MAD1L1: variants seen among roughly 807,000 people sequenced by gnomAD.
The protein encoded by MAD1L1 is mitotic spindle assembly checkpoint protein MAD1.
A neutral mutation model predicts 96.9 loss-of-function variants in MAD1L1; 95 were observed. That is an observed-to-expected ratio of 0.98 (90% CI 0.83 to 1.16). The LOEUF (loss-of-function observed/expected upper bound fraction) is 1.16. Among genes scored for constraint, MAD1L1 ranks in the 50% most tolerant of loss-of-function variants. The pLI is 0.00. For synonymous variants in MAD1L1, 473 were observed against 396.6 expected (o/e 1.19, Z -2.29); for missense variants, 1,007 against 954.4 (o/e 1.06, Z -0.73).
At chr7:1,950,050 C>G (rs59387532) in intron 16 of MAD1L1, among the ~76,000 whole-genome samples, 2,001 of 152,060 alleles carry the variant, frequency 0.013, 37 homozygotes, top group African/African-American at 0.046. Flanking sequence ...GGGCACATCT[C>G]TACTTGAGGG....
chr7:1,989,686 T>C (rs546440583), intron 14 of MAD1L1, among the ~76,000 whole-genome samples: 42 of 152,028 alleles, frequency 2.8e-4, no homozygotes, highest in Middle Eastern at 3.4e-3. Context: ...TGGACCAGCC[T>C]CAGCGTGGAC....
chr7:2,210,853 G>A (rs989184018), intron 10 of MAD1L1, among the ~76,000 whole-genome samples: 2 of 151,622 alleles, frequency 1.3e-5, no homozygotes, highest in African/African-American at 2.4e-5. Flanking sequence ...TCAGCCTCCG[G>A]CTGCTCAGAG....
intron 18 of MAD1L1, among the ~76,000 whole-genome samples, chr7:1,875,444 T>C (rs1306132587): frequency 2.0e-5 from 3 of 152,152 alleles, no homozygotes; most frequent in Non-Finnish European, 4.4e-5. Flanking sequence ...CCGTGTTGAC[T>C]TGGGGGCGGG....
chr7:1,994,447 A>G (rs2128489905), intron 14 of MAD1L1, among the ~76,000 whole-genome samples: 1 of 152,244 alleles, frequency 6.6e-6, no homozygotes, highest in South Asian at 2.1e-4. Context: ...GAGGGTGGGG[A>G]CATCACCGTA....
In MAD1L1 at chr7:1,832,793, G is replaced by A. The variant is rs138436009; in HGVS notation, c.1999-16565C>T. 6.1e-3 allele frequency among the ~76,000 whole-genome samples: 915 copies of A among 149,638 alleles called. 15 individuals are homozygous for A. The highest frequency in any genetic ancestry group is 0.035 in the Admixed American group (519 of 14,930). On this transcript the variant is annotated intron_variant, in intron 18 of 18. Transcript: ENST00000265854. The stretch of plus-strand genomic sequence containing the variant: ...ATTACAGGTACGTGCCACCATGCCC[G>A]GCTAATTTTTGTGTTTGTAGTAGAG...
chr7:1,932,613 T>C (rs1789546537), intron 17 of MAD1L1, among the ~76,000 whole-genome samples: 1 of 152,228 alleles, frequency 6.6e-6, no homozygotes, highest in African/African-American at 2.4e-5. Flanking sequence ...ACCTCTGTGT[T>C]TCTTCTCTGA....
At chr7:2,020,441 G>A (rs1487431194) in intron 12 of MAD1L1, among the ~76,000 whole-genome samples, 1 of 152,230 alleles carries the variant, frequency 6.6e-6, no homozygotes, top group East Asian at 1.9e-4. Context: ...GCCTTCAGAG[G>A]ACGGAACGCC....
At chr7:1,832,630 T>TTTGG (rs56664541) in intron 18 of MAD1L1, among the ~76,000 whole-genome samples, 174 of 2,350 alleles carry the variant, frequency 0.074, no homozygotes, top group Middle Eastern at 0.25. Flanking sequence ...TTTTTTTTTT[T>TTTGG]GGCGGGGGGG....
rs532263367 is a variant in MAD1L1 at position 1,975,574 on chromosome 7, G to A, written c.1505+4879C>T. On this transcript the variant is annotated intron_variant, in intron 15 of 18. Transcript: ENST00000265854. ...AGTTACCTCTATGTAGTTTCATGAG[G>A]GGACTTAGAGCAGCGGTGTTTAATG... Among the ~76,000 whole-genome samples the A allele has an allele frequency of 2.0e-5, 3 of 152,344 alleles. 1 individual carries two copies. The South Asian group carries it at 6.2e-4, about 32-fold the overall frequency.
At position 2,069,177 on chromosome 7, in the gene MAD1L1, G is replaced by GT. The variant is rs774590108; in HGVS notation, c.1218+16dup. 2.6e-6 allele frequency: 4 copies of GT among 1,567,884 alleles called. No individual in the cohort carries two copies. The highest frequency in any genetic ancestry group is 1.4e-5 in the African/African-American group (1 of 73,398). On this transcript the variant is annotated intron_variant, in intron 12 of 18. Transcript: ENST00000265854. Reference sequence around the variant, plus strand: ...AGCTCCCTGCGACTCTGATCAAGATGTAAGGGCATACATCACCTTGGTGAG... The same window carrying GT: ...AGCTCCCTGCGACTCTGATCAAGATGTTAAGGGCATACATCACCTTGGTGAG...
In MAD1L1 at chr7:2,146,430, A is replaced by G. The variant is rs112499607; in HGVS notation, c.1073+2722T>C. On this transcript the variant is annotated intron_variant, in intron 11 of 18. Transcript: ENST00000265854. The surrounding 1 kb of genome is among the most constrained non-coding windows in gnomAD (Gnocchi z 6.2). ...TGGGCTACGAGGAACAGGGCAGTGGAGCCGCACCCTGAGAAGCTCCTCAGA... is the reference window on the plus strand; with the variant it reads ...TGGGCTACGAGGAACAGGGCAGTGGGGCCGCACCCTGAGAAGCTCCTCAGA... Among the ~76,000 whole-genome samples, 1 of 151,604 alleles carries G rather than the reference A, an allele frequency of 6.6e-6. No individual in the cohort carries two copies. The highest frequency in any genetic ancestry group is 1.5e-5 in the Non-Finnish European group (1 of 68,032).
At chr7:2,127,947 G>A (rs565320858) in intron 11 of MAD1L1, among the ~76,000 whole-genome samples, 1 of 152,258 alleles carries the variant, frequency 6.6e-6, no homozygotes, top group South Asian at 2.1e-4. Context: ...ACTTCTGCTC[G>A]CACCTGAGAG....
intron 11 of MAD1L1, among the ~76,000 whole-genome samples, chr7:2,122,644 C>T (rs1562708254): frequency 2.0e-5 from 3 of 152,078 alleles, no homozygotes; most frequent in Admixed American, 2.0e-4. Flanking sequence ...AATCACAAAC[C>T]AGGGAGTTGA....
intron 16 of MAD1L1, among the ~76,000 whole-genome samples, chr7:1,947,308 C>A (rs1239204686): frequency 6.6e-6 from 1 of 152,338 alleles, no homozygotes; most frequent in African/African-American, 2.4e-5. Context: ...AGGCGCCTGT[C>A]CCCGTGTGCC....
At chr7:1,964,055 C>T (rs1399236830) in intron 15 of MAD1L1, among the ~76,000 whole-genome samples, 1 of 152,170 alleles carries the variant, frequency 6.6e-6, no homozygotes, top group East Asian at 1.9e-4. Context: ...GACTGAGGCT[C>T]AGAAAGCCAT....
At chr7:1,979,805 C>T (rs1310551754) in intron 15 of MAD1L1, among the ~76,000 whole-genome samples, 1 of 152,190 alleles carries the variant, frequency 6.6e-6, no homozygotes, top group Non-Finnish European at 1.5e-5. Context: ...CCCGTGCAGC[C>T]ATCTCGGCAC....
intron 17 of MAD1L1, among the ~76,000 whole-genome samples, chr7:1,909,127 G>A (rs906841169): frequency 6.6e-6 from 1 of 152,218 alleles, no homozygotes; most frequent in African/African-American, 2.4e-5. Context: ...CCCGACACCG[G>A]CGTGGTGTAC....
Position 2,060,903 on chromosome 7 carries a change from G to A in MAD1L1, c.1218+8291C>T, listed in dbSNP as rs140220920. Among the ~76,000 whole-genome samples the A allele has an allele frequency of 3.9e-4, 59 of 152,350 alleles. 1 individual carries two copies. The East Asian group carries it at 0.011, about 27-fold the overall frequency. ...AGCATCAGCAAACGTCGGTGAGCTG[G>A]CTGCATGAACATCAACAGAGAAATT... On this transcript the variant is annotated intron_variant, in intron 12 of 18. Coordinates refer to ENST00000265854, the MANE Select transcript of MAD1L1 (RefSeq NM_001013836.2).
chr7:1,936,567 G>A, intron 17 of MAD1L1, 120 bp downstream of exon 17: 1 of 1,058,628 alleles, frequency 9.4e-7, no homozygotes, highest in Non-Finnish European at 1.3e-6. Flanking sequence ...CTGCCCACAG[G>A]GGAGGACAAA....
Sources: gnomAD v4.1 joint callset for allele counts (sites outside exome capture counted in the v4.1 genomes callset) on GRCh38, gnomAD v4.1.1 for gene constraint, Gnocchi (gnomAD v3.1) non-coding constraint, MANE v1.5 for transcripts, NCBI Gene and HGNC (gene_info 2026-07-23, HGNC 2026-07-21) for gene names.